The following ZNF710 variants were observed in gnomAD, a reference collection of about 807,000 sequenced individuals.
ZNF710 encodes the protein zinc finger protein 710.
A neutral mutation model predicts 50.6 loss-of-function variants in ZNF710; 13 were observed. That is an observed-to-expected ratio of 0.26 (90% CI 0.17 to 0.41). The LOEUF (loss-of-function observed/expected upper bound fraction) is 0.41. Among genes scored for constraint, ZNF710 ranks in the 10% least tolerant of loss-of-function variants. The probability of loss-of-function intolerance (pLI) is 1.00; values close to 1 mark genes in which losing one functional copy is unlikely to be tolerated. For synonymous variants in ZNF710, 383 were observed against 397.0 expected (o/e 0.96, Z 0.42); for missense variants, 721 against 936.6 (o/e 0.77, Z 3.01).
chr15:90,045,416 C>T lies in ZNF710; in HGVS notation c.-28-21694C>T, dbSNP rs187159375. Reference sequence around the variant, plus strand: ...CAGGTTTGCCGTCTGGGAACTGTTGCGGACCTGGGTAAGGGTGCAGCTCTA... The same window carrying T: ...CAGGTTTGCCGTCTGGGAACTGTTGTGGACCTGGGTAAGGGTGCAGCTCTA... On this transcript the variant is annotated intron_variant, in intron 1 of 4. Transcript: ENST00000268154. 1.6e-5 allele frequency: 16 copies of T among 985,108 alleles called. No homozygotes were observed. The Admixed American group carries it at 5.5e-4, about 34-fold the overall frequency. 61.0% of individuals were successfully genotyped at this position (985,108 alleles called of 1,614,324 possible). A position where few individuals can be genotyped will look rare whatever the true frequency, so the allele number is the denominator to read the frequency against.
chr15:90,064,502 C>CT (rs1168747657), intron 1 of ZNF710, among the ~76,000 whole-genome samples: 1 of 152,022 alleles, frequency 6.6e-6, no homozygotes, highest in African/African-American at 2.4e-5. Context: ...TTTTTTCTTC[C>CT]TTTGAGACAG....
chr15:90,043,586 C>T (rs541678038), intron 1 of ZNF710, among the ~76,000 whole-genome samples: 2 of 152,222 alleles, frequency 1.3e-5, no homozygotes, highest in Non-Finnish European at 2.9e-5. Flanking sequence ...AATTAACTTG[C>T]AGTGCTCAGC....
rs117556099 is a variant in ZNF710, at chr15:90,044,886, G to A, written c.-28-22224G>A. Among the ~76,000 whole-genome samples the A allele has an allele frequency of 1.1e-4, 17 of 152,274 alleles. No homozygotes were observed. In the East Asian group the frequency reaches 2.9e-3, roughly 26 times the overall value. On this transcript the variant is annotated intron_variant, in intron 1 of 4. Coordinates refer to ENST00000268154, the MANE Select transcript of ZNF710 (RefSeq NM_198526.4). ...GCCACCAGTCACTGTGGTCTGAGGA[G>A]TAAAGGTGGCCCTGCCTACTCTTGA...
At chr15:90,003,314 G>A (rs751663888) in intron 1 of ZNF710, among the ~76,000 whole-genome samples, 1 of 152,086 alleles carries the variant, frequency 6.6e-6, no homozygotes, top group African/African-American at 2.4e-5. Context: ...ACTCCCGGCC[G>A]GTATCGACCT....
intron 1 of ZNF710, among the ~76,000 whole-genome samples, chr15:90,041,247 G>A (rs1243219576): frequency 1.3e-5 from 2 of 152,032 alleles, no homozygotes; most frequent in Non-Finnish European, 2.9e-5. Context: ...TGTCACCCAA[G>A]CTAGAATGCA....
intron 1 of ZNF710, among the ~76,000 whole-genome samples, chr15:90,005,286 G>A (rs1898111195): frequency 6.6e-6 from 1 of 152,158 alleles, no homozygotes; most frequent in Non-Finnish European, 1.5e-5. Context: ...AATGACACAG[G>A]CAGGGACAGG....
intron 1 of ZNF710, among the ~76,000 whole-genome samples, chr15:90,046,029 G>A (rs1899449845): frequency 6.6e-6 from 1 of 152,050 alleles, no homozygotes. Context: ...AAGCTTGTGG[G>A]GCTCCCGTCC....
intron 1 of ZNF710, among the ~76,000 whole-genome samples, chr15:90,046,036 G>A (rs1032241495): frequency 1.1e-4 from 16 of 152,060 alleles, no homozygotes; most frequent in African/African-American, 3.6e-4. Context: ...TGGGGCTCCC[G>A]TCCAGCCAGG....
At chr15:90,000,315 G>A (rs909718901), upstream of ZNF710, among the ~76,000 whole-genome samples, 3 of 152,320 alleles carry the variant, frequency 2.0e-5, no homozygotes, top group Admixed American at 2.0e-4. Context: ...AAACGGCTCG[G>A]AGTGGCGGGT....
chr15:90,075,971 A>G (rs762636971), intron 4 of ZNF710: 8 of 152,248 alleles, frequency 5.3e-5, no homozygotes, highest in Non-Finnish European at 7.3e-5. Flanking sequence ...CCACTGGACC[A>G]GACTAGTGCC....
rs1900699881 is a variant in ZNF710 at position 90,080,641 on chromosome 15, G to A, written c.*812G>A. ...ATGGGGCAGGGCAGGGCGGAGTGAG[G>A]GCATCACAGGGGACCAAGAAGGGCT... On this transcript the variant is annotated 3_prime_UTR_variant, in exon 5 of 5. Coordinates refer to ENST00000268154, the MANE Select transcript of ZNF710 (RefSeq NM_198526.4). 6.6e-6 allele frequency: 1 copy of A among 152,452 alleles called. No homozygotes were observed. Among genetic ancestry groups the A allele is most frequent in the Non-Finnish European group, 1.5e-5 (1 of 68,178 alleles). The allele number at this position is 152,452 out of a possible 1,614,324, so 9.4% of individuals were successfully genotyped here.
At chr15:89,998,956 A>G (rs1424590773), upstream of ZNF710, among the ~76,000 whole-genome samples, 7 of 152,162 alleles carry the variant, frequency 4.6e-5, no homozygotes, top group African/African-American at 1.7e-4. Flanking sequence ...TAAAATCTGA[A>G]TATTTCCCTG....
intron 4 of ZNF710, 44 bp from the exon 5 acceptor site, chr15:90,079,616 C>A: frequency 6.3e-7 from 1 of 1,598,072 alleles, no homozygotes; most frequent in South Asian, 1.1e-5. Flanking sequence ...ACTGGCTCCT[C>A]CCGAGAGATG....
At chr15:90,051,672 G>T (rs1188615717) in intron 1 of ZNF710, among the ~76,000 whole-genome samples, 1 of 152,082 alleles carries the variant, frequency 6.6e-6, no homozygotes, top group Non-Finnish European at 1.5e-5. Flanking sequence ...AAAAGCAGAG[G>T]CATTTAGGTT....
intron 1 of ZNF710, among the ~76,000 whole-genome samples, chr15:90,050,033 A>G (rs1466047137): frequency 6.6e-6 from 1 of 152,198 alleles, no homozygotes; most frequent in Non-Finnish European, 1.5e-5. Flanking sequence ...CCTGCCTCTG[A>G]TGATAGCCTG....
chr15:90,049,734 C>T (rs978519751), intron 1 of ZNF710, among the ~76,000 whole-genome samples: 28 of 152,324 alleles, frequency 1.8e-4, no homozygotes, highest in African/African-American at 6.7e-4. Flanking sequence ...TCTGGTTCTC[C>T]TCCCGCCTCT....
rs548664933 is a variant in ZNF710, at chr15:90,062,794, T to C, written c.-28-4316T>C. On this transcript the variant is annotated intron_variant, in intron 1 of 4. Transcript: ENST00000268154. The surrounding 1 kb of genome is among the most constrained non-coding windows in gnomAD (Gnocchi z 5.6). Reference sequence around the variant, plus strand: ...AACACACATGCGAAACGCAGGTAAATTAGATTCCCTCCTCAGCAGAGCCCC... The same window carrying C: ...AACACACATGCGAAACGCAGGTAAACTAGATTCCCTCCTCAGCAGAGCCCC... Among the ~76,000 whole-genome samples, 2 of 152,158 alleles carry C rather than the reference T, an allele frequency of 1.3e-5. No individual in the cohort carries two copies. Among genetic ancestry groups the C allele is most frequent in the Non-Finnish European group, 2.9e-5 (2 of 67,980 alleles).
At chr15:90,003,801 A>G (rs776157284) in intron 1 of ZNF710, among the ~76,000 whole-genome samples, 1 of 152,014 alleles carries the variant, frequency 6.6e-6, no homozygotes, top group Non-Finnish European at 1.5e-5. Context: ...TCGGAGCAGA[A>G]CCTCTGATCG....
rs1314820307 is a variant in ZNF710, at chr15:90,057,604, C to CAG, written c.-28-9506_-28-9505insAG. ...CCCAGCTACTCGGGTGGCTGAGGCACGAGAATCGCTTGAAGCCAGAAGGTG... is the reference window on the plus strand; with the variant it reads ...CCCAGCTACTCGGGTGGCTGAGGCACAGGAGAATCGCTTGAAGCCAGAAGGTG... On this transcript the variant is annotated intron_variant, in intron 1 of 4. Transcript: ENST00000268154. Among the ~76,000 whole-genome samples, 4 of 151,682 alleles carry CAG rather than the reference C, an allele frequency of 2.6e-5. No individual in the cohort carries two copies. The East Asian group carries it at 7.8e-4, about 29-fold the overall frequency.
Sources: gnomAD v4.1 joint callset for allele counts (sites outside exome capture counted in the v4.1 genomes callset) on GRCh38, gnomAD v4.1.1 for gene constraint, Gnocchi (gnomAD v3.1) non-coding constraint, MANE v1.5 for transcripts, NCBI Gene and HGNC (gene_info 2026-07-23, HGNC 2026-07-21) for gene names.